Variants in STAU2 observed in about 807,000 individuals in gnomAD.
STAU2 encodes the protein staufen double-stranded RNA binding protein 2.
A neutral mutation model predicts 65.9 loss-of-function variants in STAU2; 20 were observed. That is an observed-to-expected ratio of 0.30 (90% CI 0.21 to 0.44). The LOEUF (loss-of-function observed/expected upper bound fraction) is 0.44. Ranked by LOEUF, STAU2 falls within the 20% of genes least tolerant of loss-of-function variation. The probability of loss-of-function intolerance (pLI) is 1.00; values close to 1 mark genes in which losing one functional copy is unlikely to be tolerated. For synonymous variants in STAU2, 232 were observed against 233.9 expected, an observed-to-expected ratio of 0.99 and a Z score of 0.07; for missense variants, 558 against 683.9, an observed-to-expected ratio of 0.82 and a Z score of 2.05.
chr8:73,744,517 T>C (rs1264261726), intron 1 of STAU2, among the ~76,000 whole-genome samples: 1 of 151,526 alleles, frequency 6.6e-6, no homozygotes, highest in African/African-American at 2.4e-5. Flanking sequence ...CCATATCTTC[T>C]AGAACCTAAA....
intron 5 of STAU2, among the ~76,000 whole-genome samples, chr8:73,677,025 A>G (rs1346098069): frequency 6.6e-6 from 1 of 152,210 alleles, no homozygotes; most frequent in Non-Finnish European, 1.5e-5. Context: ...AAAAAGTAGA[A>G]AAAATTTTAA....
intron 2 of STAU2, 129 bp from the exon 3 acceptor site, chr8:73,738,478 TATG>T: frequency 2.9e-6 from 2 of 678,070 alleles, no homozygotes; most frequent in Non-Finnish European, 4.7e-6. Context: ...TAGAACTTTC[TATG>T]ATGATAAAAA....
At chr8:73,686,612 A>G (rs953972955) in intron 5 of STAU2, among the ~76,000 whole-genome samples, 1 of 151,812 alleles carries the variant, frequency 6.6e-6, no homozygotes, top group African/African-American at 2.4e-5. Context: ...AATGAGGGGT[A>G]AAGACTACAC....
At chr8:73,485,145 T>C (rs1179994455) in intron 13 of STAU2, among the ~76,000 whole-genome samples, 77 of 28,650 alleles carry the variant, frequency 2.7e-3, no homozygotes, top group African/African-American at 8.3e-3. Flanking sequence ...CTTACTCTTT[T>C]TTTTTTTTTT....
At chr8:73,446,771 A>G (rs954684164) in intron 13 of STAU2, among the ~76,000 whole-genome samples, 1 of 151,976 alleles carries the variant, frequency 6.6e-6, no homozygotes, top group African/African-American at 2.4e-5. Flanking sequence ...CATTGTGCCT[A>G]TTTTTAATTT....
At chr8:73,543,214 A>G (rs1345570887) in intron 13 of STAU2, among the ~76,000 whole-genome samples, 1 of 152,232 alleles carries the variant, frequency 6.6e-6, no homozygotes, top group African/African-American at 2.4e-5. Flanking sequence ...CAGTGAAAAG[A>G]CAAAACTAAT....
At chr8:73,471,803 G>C (rs530223602) in intron 13 of STAU2, among the ~76,000 whole-genome samples, 1 of 113,586 alleles carries the variant, frequency 8.8e-6, no homozygotes, top group Non-Finnish European at 1.9e-5. Flanking sequence ...GGGCAACAAG[G>C]GCGAGACTCC....
intron 6 of STAU2, among the ~76,000 whole-genome samples, chr8:73,658,934 C>CAACAACAAAAAAAAAAA (rs1816598555): frequency 1.0e-5 from 1 of 96,734 alleles, no homozygotes. Context: ...ACAACAACAA[C>CAACAACAAAAAAAAAAA]AAAAACAACA....
chr8:73,533,810 AAT>A (rs1805997094), intron 13 of STAU2, among the ~76,000 whole-genome samples: 1 of 152,178 alleles, frequency 6.6e-6, no homozygotes, highest in East Asian at 1.9e-4. Flanking sequence ...CTGTTTTGAA[AAT>A]ATGAGGGGCC....
chr8:73,477,982 G>A lies in STAU2; in HGVS notation c.1531-55280C>T, dbSNP rs530977632. 7.2e-5 allele frequency among the ~76,000 whole-genome samples: 11 copies of A among 151,826 alleles called. No homozygotes were observed. The South Asian group carries it at 1.5e-3, about 20-fold the overall frequency. On this transcript the variant is annotated intron_variant, in intron 13 of 14. Transcript: ENST00000524300. ...CTCTACAAACCAATCATGATCAAGT[G>A]TCTATTGTCTGACACACTGAAGTGT...
chr8:73,730,427 T>C (rs567477722), intron 3 of STAU2, among the ~76,000 whole-genome samples: 2 of 152,338 alleles, frequency 1.3e-5, no homozygotes, highest in South Asian at 4.1e-4. Context: ...ATGTATACTT[T>C]AAAAGAATAT....
At chr8:73,468,782 A>G (rs149944607) in intron 13 of STAU2, among the ~76,000 whole-genome samples, 97,788 of 151,900 alleles carry the variant, frequency 0.64, 32,272 homozygotes, top group East Asian at 0.93. Context: ...TTAGAATGGC[A>G]ATCATTAAAA....
chr8:73,575,382 C>T (rs1175922872), intron 12 of STAU2, among the ~76,000 whole-genome samples: 5 of 152,154 alleles, frequency 3.3e-5, no homozygotes, highest in Admixed American at 1.3e-4. Context: ...AAATCTCCTA[C>T]ACTGATGGTA....
chr8:73,610,645 G>A (rs1052496019), intron 9 of STAU2, among the ~76,000 whole-genome samples: 2 of 151,922 alleles, frequency 1.3e-5, no homozygotes, highest in African/African-American at 4.8e-5. Context: ...TCCTTGGACA[G>A]CAAATCTTAA....
intron 2 of STAU2, among the ~76,000 whole-genome samples, chr8:73,739,119 G>T (rs1022298319): frequency 2.0e-5 from 3 of 151,294 alleles, no homozygotes; most frequent in Non-Finnish European, 4.4e-5. Context: ...TGTAATCTCA[G>T]CTACTCAGGA....
intron 13 of STAU2, among the ~76,000 whole-genome samples, chr8:73,481,358 A>T (rs1820606581): frequency 1.3e-5 from 2 of 152,004 alleles, no homozygotes; most frequent in Admixed American, 6.6e-5. Flanking sequence ...AAGAAACAGC[A>T]GGGGCCTGCC....
At chr8:73,728,463 C>CAAA (rs34893638) in intron 3 of STAU2, among the ~76,000 whole-genome samples, 26 of 130,714 alleles carry the variant, frequency 2.0e-4, no homozygotes, top group East Asian at 8.7e-4. Context: ...CCAACTTTTG[C>CAAA]AAAAAAAAAA....
At chr8:73,520,292 T>C (rs1396823664) in intron 13 of STAU2, among the ~76,000 whole-genome samples, 2 of 152,206 alleles carry the variant, frequency 1.3e-5, no homozygotes, top group East Asian at 1.9e-4. Context: ...AGATGTATTA[T>C]AAGAATAAAA....
At chr8:73,456,099 A>G (rs945555517) in intron 13 of STAU2, among the ~76,000 whole-genome samples, 1 of 152,258 alleles carries the variant, frequency 6.6e-6, no homozygotes, top group South Asian at 2.1e-4. Flanking sequence ...CAGGCTCAGC[A>G]GTGAGACAAA....
Sources: allele counts gnomAD v4.1 joint callset (sites outside exome capture counted in the v4.1 genomes callset), GRCh38; gene constraint gnomAD v4.1.1; transcripts MANE v1.5; gene names NCBI Gene and HGNC (gene_info 2026-07-23, HGNC 2026-07-21).